PUS7: variants seen among roughly 807,000 people sequenced by gnomAD.
PUS7 encodes pseudouridine synthase 7.
In PUS7, 48 loss-of-function variants were observed where a neutral mutation model predicts 79.8. The observed-to-expected ratio is 0.60, with a 90% CI of 0.48 to 0.76. PUS7 has a LOEUF of 0.76. Among genes scored for constraint, PUS7 ranks in the 30% least tolerant of loss-of-function variants. The pLI, the probability that PUS7 is intolerant of heterozygous loss-of-function variation, is 0.00. For missense variants in PUS7, 729 were observed against 797.6 expected (o/e 0.91, Z 1.04); for synonymous variants, 286 against 272.2 (o/e 1.05, Z -0.50).
rs1164064186 is a variant in PUS7 at position 105,462,682 on chromosome 7, G to A, written c.1696C>T (p.Arg566Ter). The change falls in exon 14 of 16, where the codon CGA becomes TGA. Residue 566 changes from arginine (R) to a stop codon, truncating the protein, a stop_gained. Coordinates refer to ENST00000469408, the MANE Select transcript of PUS7 (RefSeq NM_019042.5). LOFTEE classifies it high-confidence loss of function. ...TAGGCCCCTGACAAGGAATAATCTC[G>A]AATTTTGTGTCTCATGTTGTCAATA... ...LDIDNMRHKI[R>*]DYSLSGAYRK... 3.7e-6 allele frequency: 6 copies of A among 1,613,682 alleles called. No individual in the cohort carries two copies. Among genetic ancestry groups the A allele is most frequent in the South Asian group, 2.2e-5 (2 of 91,058 alleles).
chr7:105,518,969 C>T (rs867833947), intron 1 of PUS7, among the ~76,000 whole-genome samples: 4 of 151,850 alleles, frequency 2.6e-5, no homozygotes, highest in East Asian at 3.9e-4. Flanking sequence ...GGGCTTTCAC[C>T]GTGTTATCCA....
intron 9 of PUS7, among the ~76,000 whole-genome samples, 179 bp downstream of exon 9, chr7:105,480,873 T>C (rs1342564799): frequency 1.3e-5 from 2 of 152,170 alleles, no homozygotes; most frequent in African/African-American, 2.4e-5. Context: ...TCAGGTCATA[T>C]CCTTTTGAAC....
chr7:105,481,705 C>T (rs1056372989), intron 8 of PUS7, among the ~76,000 whole-genome samples: 2 of 151,698 alleles, frequency 1.3e-5, no homozygotes, highest in African/African-American at 4.8e-5. Context: ...CTATTCTAGG[C>T]GCTTTAAGTG....
At chr7:105,515,359 T>G (rs1825854436) in intron 1 of PUS7, among the ~76,000 whole-genome samples, 1 of 152,176 alleles carries the variant, frequency 6.6e-6, no homozygotes, top group South Asian at 2.1e-4. Flanking sequence ...GAACTTTGAC[T>G]CCATTTTTTT....
intron 5 of PUS7, among the ~76,000 whole-genome samples, chr7:105,501,415 T>C: frequency 6.6e-6 from 1 of 152,186 alleles, no homozygotes; most frequent in Non-Finnish European, 1.5e-5. Context: ...AATTACCTAA[T>C]TTTCCTGAAA....
At chr7:105,519,595 C>T (rs1235582578) in intron 1 of PUS7, among the ~76,000 whole-genome samples, 1 of 152,164 alleles carries the variant, frequency 6.6e-6, no homozygotes, top group Non-Finnish European at 1.5e-5. Flanking sequence ...GAGGGTCATT[C>T]ATTCTGCAAA....
intron 4 of PUS7, 99 bp from the exon 5 acceptor site, chr7:105,502,663 A>T: frequency 4.6e-6 from 6 of 1,292,144 alleles, no homozygotes; most frequent in Non-Finnish European, 6.5e-6. Flanking sequence ...CTTATTAACT[A>T]CGCAAAATAA....
At chr7:105,487,073 AAAAT>A (rs1431518016) in intron 7 of PUS7, among the ~76,000 whole-genome samples, 1 of 152,122 alleles carries the variant, frequency 6.6e-6, no homozygotes, top group Non-Finnish European at 1.5e-5. Flanking sequence ...AAAATAAAAT[AAAAT>A]AAATAAATAT....
chr7:105,496,196 C>CAT lies in PUS7; in HGVS notation c.731-945_731-944dup, dbSNP rs1159713098. ...AAGTATGCATATCTACACACACACA[C>CAT]ATATATATATATATATATATATATA... On this transcript the variant is annotated intron_variant, in intron 5 of 15. Coordinates refer to ENST00000469408, the MANE Select transcript of PUS7 (RefSeq NM_019042.5). Among the ~76,000 whole-genome samples the CAT allele has an allele frequency of 5.2e-4, 42 of 81,524 alleles. No homozygotes were observed. In the East Asian group the frequency reaches 8.2e-3, roughly 16 times the overall value. 53.5% of individuals were successfully genotyped at this position (81,524 alleles called of 152,430 possible).
intron 7 of PUS7, among the ~76,000 whole-genome samples, chr7:105,487,344 A>G (rs528891472): frequency 1.9e-4 from 29 of 152,326 alleles, no homozygotes; most frequent in African/African-American, 5.8e-4. Context: ...GAATCATACA[A>G]TATCTGGCCT....
chr7:105,465,546 A>C (rs189708425), intron 12 of PUS7, 132 bp from the exon 13 acceptor site: 80 of 696,608 alleles, frequency 1.1e-4, no homozygotes, highest in Admixed American at 5.0e-4. Context: ...TAAAAGCTTA[A>C]ATTATGCCAG....
chr7:105,472,113 A>C lies in PUS7; in HGVS notation c.1237+19T>G. 6.4e-7 allele frequency: 1 copy of C among 1,551,094 alleles called. No homozygotes were observed. The highest frequency in any genetic ancestry group is 1.2e-5 in the South Asian group (1 of 86,566). ...GCCATACATTCTATTTATTTTCTTA[A>C]CATGAATTTTATTCTCACCTCCAGA... is the stretch of plus-strand genomic sequence containing the variant. On this transcript the variant is annotated intron_variant, in intron 10 of 15. Transcript: ENST00000469408.
intron 1 of PUS7, among the ~76,000 whole-genome samples, chr7:105,518,549 G>A (rs1464449780): frequency 1.3e-5 from 2 of 151,754 alleles, no homozygotes; most frequent in African/African-American, 2.4e-5. Flanking sequence ...CTACAGGCAT[G>A]TGCCACCATG....
In PUS7 at chr7:105,495,234, C is replaced by G; in HGVS notation, c.750G>C (p.Trp250Cys). Reference protein sequence around the residue: ...KALANPRKHSWPKSRGSYCHF... With the variant: ...KALANPRKHSCPKSRGSYCHF... ...GGCAGTAACTTCCCCTAGATTTTGG[C>G]CAAGAATGTTTTCTTGGATCTTGAA... The change falls in exon 6 of 16, where the codon TGG (tryptophan) becomes TGC (cysteine). Residue 250 changes from tryptophan to cysteine, a missense_variant. By Grantham distance (215) the Trp-to-Cys change is radical. Transcript: ENST00000469408. 6.2e-7 allele frequency: 1 copy of G among 1,608,982 alleles called. No homozygotes were observed. The highest frequency in any genetic ancestry group is 2.2e-5 in the East Asian group (1 of 44,782).
intron 9 of PUS7, among the ~76,000 whole-genome samples, chr7:105,472,494 C>T (rs907735415): frequency 6.6e-6 from 1 of 152,066 alleles, no homozygotes; most frequent in Non-Finnish European, 1.5e-5. Context: ...CTTGGCCTCC[C>T]AAAGTGTTGG....
At chr7:105,503,997 AT>A (rs1264975519) in intron 4 of PUS7, among the ~76,000 whole-genome samples, 1 of 151,540 alleles carries the variant, frequency 6.6e-6, no homozygotes, top group Non-Finnish European at 1.5e-5. Context: ...TTCATGACCC[AT>A]TAATGGGTTG....
intron 1 of PUS7, among the ~76,000 whole-genome samples, chr7:105,513,855 A>T (rs2133281061): frequency 7.3e-6 from 1 of 136,288 alleles, no homozygotes; most frequent in East Asian, 2.2e-4. Flanking sequence ...AAAAAAAAAT[A>T]GTTATTATGG....
At chr7:105,458,815 C>G (rs1823297929) in intron 15 of PUS7, among the ~76,000 whole-genome samples, 1 of 151,880 alleles carries the variant, frequency 6.6e-6, no homozygotes, top group Admixed American at 6.6e-5. Context: ...CCCGCCTCGG[C>G]CTCCCAAAGT....
chr7:105,516,983 T>G (rs1586188681), intron 1 of PUS7, among the ~76,000 whole-genome samples: 1 of 152,224 alleles, frequency 6.6e-6, no homozygotes, highest in East Asian at 1.9e-4. Flanking sequence ...GTTTTATGCA[T>G]TTTTTGACAT....
Sources: gnomAD v4.1 joint callset for allele counts (sites outside exome capture counted in the v4.1 genomes callset) on GRCh38, gnomAD v4.1.1 for gene constraint, MANE v1.5 for transcripts, NCBI Gene and HGNC (gene_info 2026-07-23, HGNC 2026-07-21) for gene names.